The following CNTN1 variants were observed in gnomAD, a reference collection of about 807,000 sequenced individuals.
The protein encoded by CNTN1 is contactin-1.
A neutral mutation model predicts 126.4 loss-of-function variants in CNTN1; 38 were observed. The observed-to-expected ratio is 0.30, with a 90% confidence interval of 0.23 to 0.39. CNTN1 has a LOEUF of 0.39. Among genes scored for constraint, CNTN1 ranks in the 10% least tolerant of loss-of-function variants. The pLI, the probability that CNTN1 is intolerant of heterozygous loss-of-function variation, is 1.00. For synonymous variants in CNTN1, 413 were observed against 422.6 expected (o/e 0.98, Z 0.28); for missense variants, 1,009 against 1,248.4 (o/e 0.81, Z 2.89).
intron 1 of CNTN1, among the ~76,000 whole-genome samples, chr12:40,772,423 G>T (rs769287835): frequency 5.9e-5 from 9 of 151,794 alleles, no homozygotes; most frequent in Non-Finnish European, 1.2e-4. Context: ...GTTAAAGCCA[G>T]AGAATAAAGA....
chr12:40,930,066 A>T, intron 7 of CNTN1, 64 bp downstream of exon 7: 1 of 1,233,606 alleles, frequency 8.1e-7, no homozygotes, highest in Non-Finnish European at 1.2e-6. Flanking sequence ...TACTTACCGT[A>T]ATGAAAAGAA....
At chr12:40,695,452 A>G (rs934780851) in intron 1 of CNTN1, among the ~76,000 whole-genome samples, 1 of 152,356 alleles carries the variant, frequency 6.6e-6, no homozygotes, top group East Asian at 1.9e-4. Context: ...CCTTGAGACC[A>G]ACTAGGAAGA....
intron 16 of CNTN1, among the ~76,000 whole-genome samples, chr12:40,983,811 T>C (rs1173864339): frequency 6.8e-6 from 1 of 147,566 alleles, no homozygotes; most frequent in African/African-American, 2.5e-5. Flanking sequence ...TATAATACTG[T>C]ATATTAATAT....
chr12:40,725,687 G>C (rs78490479), intron 1 of CNTN1, among the ~76,000 whole-genome samples: 6,641 of 152,106 alleles, frequency 0.044, 296 homozygotes, highest in African/African-American at 0.12. Context: ...ACCTAATCAC[G>C]AGTCTCACCA....
chr12:40,946,819 C>A (rs1946449753), intron 14 of CNTN1, among the ~76,000 whole-genome samples: 1 of 152,026 alleles, frequency 6.6e-6, no homozygotes, highest in South Asian at 2.1e-4. Context: ...CACTAAGGGG[C>A]AACCTTGTAT....
intron 1 of CNTN1, among the ~76,000 whole-genome samples, chr12:40,813,752 T>A (rs1941169191): frequency 6.6e-6 from 1 of 152,212 alleles, no homozygotes; most frequent in South Asian, 2.1e-4. Context: ...TGGTTCTAGA[T>A]CCTTGAGGAA....
chr12:40,693,893 A>G (rs576076820), intron 1 of CNTN1, among the ~76,000 whole-genome samples: 3 of 152,226 alleles, frequency 2.0e-5, no homozygotes, highest in South Asian at 4.1e-4. Context: ...AAAGATCAAT[A>G]TTTCATATTT....
At chr12:40,814,569 A>G (rs138011256) in intron 1 of CNTN1, among the ~76,000 whole-genome samples, 2 of 152,284 alleles carry the variant, frequency 1.3e-5, no homozygotes, top group Non-Finnish European at 2.9e-5. Context: ...TTGTTTTGGT[A>G]CTAGTATCAT....
chr12:40,890,625 T>A (rs1944208900), intron 1 of CNTN1, among the ~76,000 whole-genome samples: 2 of 152,198 alleles, frequency 1.3e-5, no homozygotes, highest in African/African-American at 2.4e-5. Flanking sequence ...TCATATTGAA[T>A]TCTTTCACTT....
rs1236135316 is a variant in CNTN1 at position 40,993,232 on chromosome 12, C to G, written c.2076C>G (p.Pro692=). The G allele has an allele frequency of 1.2e-6, 2 of 1,613,700 alleles. No homozygotes were observed. The highest frequency in any genetic ancestry group is 3.3e-5 in the Admixed American group (2 of 60,006). ...CCAATACACTGGGTAGAGGAGAGCC[C>G]AGTATACCATCTAACAGAATTAAAA... is the stretch of plus-strand genomic sequence containing the variant. ...VATNTLGRGE[P]SIPSNRIKTD... Residue 692 remains proline (P), a synonymous_variant, in exon 17 of 24, where the codon CCC becomes CCG. Transcript: ENST00000551295.
At chr12:41,024,166 T>C (rs1948987713) in intron 20 of CNTN1, among the ~76,000 whole-genome samples, 1 of 152,172 alleles carries the variant, frequency 6.6e-6, no homozygotes, top group Non-Finnish European at 1.5e-5. Flanking sequence ...CACTTCATAA[T>C]AGTTTCTTAC....
chr12:40,801,010 G>GTTT (rs35813803), intron 1 of CNTN1, among the ~76,000 whole-genome samples: 3,090 of 142,714 alleles, frequency 0.022, 145 homozygotes, highest in African/African-American at 0.074. Context: ...TCAAACTAGA[G>GTTT]TTTTGTTTTT....
At position 40,939,380 on chromosome 12, in the gene CNTN1, T is replaced by C; in HGVS notation, c.1274T>C (p.Leu425Pro). Residue 425 changes from leucine (L) to proline (P), a missense_variant, in exon 12 of 24, where the codon CTG becomes CCG. Leu to Pro is a moderately conservative substitution (Grantham distance 98, BLOSUM62 -3). Coordinates refer to ENST00000551295, the MANE Select transcript of CNTN1 (RefSeq NM_001843.4). ...FEMNPMKKKI[L>P]AAKGGRVIIE... Reference sequence around the variant, plus strand: ...ATGAATCCTATGAAGAAAAAGATCCTGGCTGCTAAAGGTGGAAGGGTGATA... The same window carrying C: ...ATGAATCCTATGAAGAAAAAGATCCCGGCTGCTAAAGGTGGAAGGGTGATA... 6.2e-7 allele frequency: 1 copy of C among 1,613,976 alleles called. No individual in the cohort carries two copies. Among genetic ancestry groups the C allele is most frequent in the Non-Finnish European group, 8.5e-7 (1 of 1,179,948 alleles).
At chr12:40,903,678 G>A (rs1333583806) in intron 1 of CNTN1, among the ~76,000 whole-genome samples, 6 of 152,098 alleles carry the variant, frequency 3.9e-5, no homozygotes, top group East Asian at 1.9e-4. Flanking sequence ...TTTTATACCC[G>A]AATGGCAAGA....
chr12:40,747,711 T>G (rs1393228586), intron 1 of CNTN1, among the ~76,000 whole-genome samples: 1 of 152,004 alleles, frequency 6.6e-6, no homozygotes, highest in East Asian at 1.9e-4. Context: ...GAATAAATAA[T>G]AACACACGGA....
At chr12:40,949,213 T>G (rs971711813) in intron 14 of CNTN1, among the ~76,000 whole-genome samples, 2 of 151,628 alleles carry the variant, frequency 1.3e-5, no homozygotes, top group Non-Finnish European at 2.9e-5. Context: ...TTTTTTTGTT[T>G]TTTTACAATT....
At chr12:40,821,251 A>G (rs534280526) in intron 1 of CNTN1, among the ~76,000 whole-genome samples, 9 of 152,214 alleles carry the variant, frequency 5.9e-5, no homozygotes, top group Non-Finnish European at 1.3e-4. Flanking sequence ...ATATGTATCC[A>G]GAGAGACAGA....
intron 1 of CNTN1, among the ~76,000 whole-genome samples, chr12:40,878,640 C>T (rs1943761629): frequency 6.6e-6 from 1 of 152,132 alleles, no homozygotes; most frequent in African/African-American, 2.4e-5. Context: ...CTAGTAGCTG[C>T]AAAACTTTTG....
chr12:40,912,041 A>G (rs1945057182), intron 3 of CNTN1, among the ~76,000 whole-genome samples: 1 of 152,214 alleles, frequency 6.6e-6, no homozygotes, highest in Non-Finnish European at 1.5e-5. Flanking sequence ...TATATCCAAT[A>G]TGTCATCCAG....
Sources: gnomAD v4.1 joint callset for allele counts (sites outside exome capture counted in the v4.1 genomes callset) on GRCh38, gnomAD v4.1.1 for gene constraint, MANE v1.5 for transcripts, NCBI Gene and HGNC (gene_info 2026-07-23, HGNC 2026-07-21) for gene names.